The following ARHGAP40 variants were observed in gnomAD, a reference collection of about 807,000 sequenced individuals.
The protein encoded by ARHGAP40 is rho GTPase-activating protein 40.
Under a neutral mutation model 73.5 loss-of-function variants are expected in ARHGAP40, and 43 were observed. That is an observed-to-expected ratio of 0.58 (90% confidence interval 0.46 to 0.75). The LOEUF is 0.75. ARHGAP40 is among the 30% of genes least tolerant of loss of function. ARHGAP40 has a pLI of 0.00. For missense variants in ARHGAP40, 734 were observed against 861.8 expected (o/e 0.85, Z 1.86); for synonymous variants, 300 against 352.8 (o/e 0.85, Z 1.68).
chr20:38,639,586 C>T (rs945332809), intron 9 of ARHGAP40, among the ~76,000 whole-genome samples, 200 bp downstream of exon 9: 15 of 152,240 alleles, frequency 9.9e-5, no homozygotes, highest in East Asian at 3.8e-4. Flanking sequence ...GCGTGTCCTG[C>T]GTGTGTTGTA....
intron 1 of ARHGAP40, among the ~76,000 whole-genome samples, chr20:38,602,729 G>A (rs1259269984): frequency 6.6e-6 from 1 of 152,164 alleles, no homozygotes; most frequent in African/African-American, 2.4e-5. Context: ...ACCTAAACTT[G>A]TATAGTTTTA....
chr20:38,650,479 A>G (rs2089083164), exon 15 of ARHGAP40: 1 of 470,382 alleles, frequency 2.1e-6, no homozygotes, highest in Middle Eastern at 3.3e-4. Context: ...GGCCTCAGGG[A>G]GAGGAAGCCA....
chr20:38,630,958 C>T (rs2088934490), intron 5 of ARHGAP40, among the ~76,000 whole-genome samples: 1 of 152,168 alleles, frequency 6.6e-6, no homozygotes, highest in South Asian at 2.1e-4. Context: ...TGCCCTGGCC[C>T]AGGGCATTGT....
chr20:38,624,354 T>C (rs1350286914), intron 2 of ARHGAP40, among the ~76,000 whole-genome samples: 2 of 152,190 alleles, frequency 1.3e-5, no homozygotes, highest in South Asian at 2.1e-4. Flanking sequence ...TTGCTGCTTA[T>C]GACCCAGCTT....
At chr20:38,633,571 G>C (rs1023133740) in intron 5 of ARHGAP40, among the ~76,000 whole-genome samples, 1 of 152,212 alleles carries the variant, frequency 6.6e-6, no homozygotes, top group African/African-American at 2.4e-5. Context: ...TGCACTCACA[G>C]GTAAAGTCAG....
intron 11 of ARHGAP40, among the ~76,000 whole-genome samples, chr20:38,644,154 T>C (rs908041591): frequency 7.9e-5 from 12 of 152,124 alleles, no homozygotes; most frequent in Non-Finnish European, 1.3e-4. Flanking sequence ...CTACCCCAGA[T>C]TGCAGGAGTT....
intron 1 of ARHGAP40, among the ~76,000 whole-genome samples, chr20:38,604,496 A>G (rs2145590732): frequency 6.6e-6 from 1 of 151,986 alleles, no homozygotes; most frequent in East Asian, 1.9e-4. Context: ...CCCGGGTTCA[A>G]GTGATTCTCC....
At chr20:38,634,834 G>A in intron 6 of ARHGAP40, 49 bp downstream of exon 6, 1 of 1,214,208 alleles carries the variant, frequency 8.2e-7, no homozygotes, top group Non-Finnish European at 1.1e-6. Context: ...GTCCTCATAG[G>A]GAGCTGAACA....
intron 3 of ARHGAP40, 54 bp from the exon 4 acceptor site, chr20:38,628,873 G>A (rs1182653608): frequency 4.0e-6 from 5 of 1,242,908 alleles, no homozygotes; most frequent in Non-Finnish European, 5.3e-6. Flanking sequence ...AGGGTTGTGT[G>A]AGCATTGTCA....
At chr20:38,632,782 C>T (rs1056018260) in intron 5 of ARHGAP40, among the ~76,000 whole-genome samples, 1 of 151,512 alleles carries the variant, frequency 6.6e-6, no homozygotes, top group Non-Finnish European at 1.5e-5. Flanking sequence ...TCGAGACCAG[C>T]CTGGGCAACA....
chr20:38,647,038 G>A, exon 13 of ARHGAP40: 1 of 1,305,424 alleles, frequency 7.7e-7, no homozygotes, highest in Non-Finnish European at 1.0e-6. Flanking sequence ...CACCAAAGTG[G>A]CCCACGTCCT....
chr20:38,634,568 A>G (rs2088960978), intron 5 of ARHGAP40, 52 bp from the exon 6 acceptor site: 2 of 1,291,236 alleles, frequency 1.5e-6, no homozygotes, highest in East Asian at 5.6e-5. Context: ...CCCAAAATAC[A>G]CATCAGACTC....
At chr20:38,650,585 A>G in exon 15 of ARHGAP40, 3 of 468,724 alleles carry the variant, frequency 6.4e-6, no homozygotes, top group South Asian at 4.7e-5. Context: ...CAATCTTGTC[A>G]TTTTGTAATA....
At chr20:38,613,756 A>G (rs1479663063) in intron 1 of ARHGAP40, among the ~76,000 whole-genome samples, 1 of 152,230 alleles carries the variant, frequency 6.6e-6, no homozygotes, top group Non-Finnish European at 1.5e-5. Context: ...AAGCTAAATT[A>G]TATTAATTAC....
At chr20:38,645,806 C>T (rs2089048025) in intron 11 of ARHGAP40, among the ~76,000 whole-genome samples, 2 of 152,202 alleles carry the variant, frequency 1.3e-5, no homozygotes, top group Non-Finnish European at 2.9e-5. Flanking sequence ...GACCACTATC[C>T]ACTAAGCCTC....
chr20:38,605,992 C>T (rs981269495), intron 1 of ARHGAP40, among the ~76,000 whole-genome samples: 3 of 152,006 alleles, frequency 2.0e-5, no homozygotes, highest in Admixed American at 6.6e-5. Context: ...CTCAAGTGAT[C>T]CTGGGACCAC....
At chr20:38,650,313 A>C (rs1473478000) in exon 15 of ARHGAP40, 2 of 470,696 alleles carry the variant, frequency 4.2e-6, no homozygotes, top group African/African-American at 4.0e-5. Context: ...TACCTTTATC[A>C]AGAGGTAGTT....
intron 3 of ARHGAP40, 134 bp from the exon 4 acceptor site, chr20:38,628,793 A>G (rs1000432662): frequency 1.4e-5 from 8 of 555,574 alleles, no homozygotes; most frequent in South Asian, 6.0e-5. Context: ...ACTTTGGGCA[A>G]GTAACTCAGC....
At chr20:38,614,926 G>T in intron 1 of ARHGAP40, 1 of 1,359,720 alleles carries the variant, frequency 7.4e-7, no homozygotes, top group Non-Finnish European at 1.1e-6. Context: ...GAAGTCCTGA[G>T]ACTGAGTACT....
Sources: gnomAD v4.1 joint callset for allele counts (sites outside exome capture counted in the v4.1 genomes callset) on GRCh38, gnomAD v4.1.1 for gene constraint, MANE v1.5 for transcripts, NCBI Gene and HGNC (gene_info 2026-07-23, HGNC 2026-07-21) for gene names.